ASIC5: variants seen among roughly 807,000 people sequenced by gnomAD.
The protein encoded by ASIC5 is bile acid-sensitive ion channel.
Under a neutral mutation model 51.2 loss-of-function variants are expected in ASIC5, and 52 were observed. The observed-to-expected ratio is 1.02, with a 90% confidence interval of 0.81 to 1.28. The LOEUF (loss-of-function observed/expected upper bound fraction) is 1.28, where lower values mean the gene tolerates loss of function less well. Among genes scored for constraint, ASIC5 ranks in the 50% most tolerant of loss-of-function variants. The pLI, the probability that ASIC5 is intolerant of heterozygous loss-of-function variation, is 0.00. For missense variants in ASIC5, 635 were observed against 595.0 expected (o/e 1.07, Z -0.70); for synonymous variants, 231 against 200.7 (o/e 1.15, Z -1.28).
At position 155,863,446 on chromosome 4, in the gene ASIC5, A is replaced by G; in HGVS notation, c.347+2T>C. ...AATTATTTTTAAAAAAGTAATTTTT[A>G]CCTGTTCAAATTACAAAATGTCACA... is the stretch of plus-strand genomic sequence containing the variant. On this transcript the variant is annotated splice_donor_variant, in intron 2 of 9. Transcript: ENST00000537611. LOFTEE classifies it high-confidence loss of function. 1 of 1,605,544 alleles carries G rather than the reference A, an allele frequency of 6.2e-7. No homozygotes were observed. Among genetic ancestry groups the G allele is most frequent in the Non-Finnish European group, 8.5e-7 (1 of 1,174,368 alleles).
chr4:155,853,201 G>A (rs1741425340), intron 3 of ASIC5, among the ~76,000 whole-genome samples: 1 of 152,000 alleles, frequency 6.6e-6, no homozygotes, highest in Non-Finnish European at 1.5e-5. Context: ...AATAAAAACA[G>A]CATAAGAAAG....
chr4:155,838,718 A>G, intron 7 of ASIC5, 95 bp downstream of exon 7: 1 of 727,688 alleles, frequency 1.4e-6, no homozygotes. Flanking sequence ...TATTCTGTTT[A>G]ATTTCTGGGC....
At chr4:155,855,709 T>C (rs774121303) in intron 2 of ASIC5, among the ~76,000 whole-genome samples, 1 of 148,988 alleles carries the variant, frequency 6.7e-6, no homozygotes, top group Non-Finnish European at 1.5e-5. Context: ...AATATATAAA[T>C]ATATATCTAT....
At chr4:155,846,233 A>G (rs1741240052) in intron 4 of ASIC5, among the ~76,000 whole-genome samples, 1 of 152,110 alleles carries the variant, frequency 6.6e-6, no homozygotes. Context: ...TTGCCAGCAT[A>G]CTTTTTTTGT....
At position 155,842,238 on chromosome 4, in the gene ASIC5, C is replaced by T; in HGVS notation, c.978G>A (p.Lys326=). The T allele has an allele frequency of 6.2e-7, 1 of 1,613,532 alleles. No homozygotes were observed. The highest frequency in any genetic ancestry group is 1.1e-5 in the South Asian group (1 of 91,016). Reference sequence around the variant, plus strand: ...GAAGAAAAGGCACACATCCACATTGCTTTTTTATGTGCTGGGCTTTGCATT... The same window carrying T: ...GAAGAAAAGGCACACATCCACATTGTTTTTTTATGTGCTGGGCTTTGCATT... The part of the protein sequence containing the change: ...LKECKAQHIK[K]QCGCVPFLLP... Residue 326 remains lysine, a synonymous_variant, in exon 6 of 10, where the codon AAG becomes AAA. Transcript: ENST00000537611.
At chr4:155,836,066 A>T (rs1428990688) in intron 8 of ASIC5, among the ~76,000 whole-genome samples, 1 of 152,210 alleles carries the variant, frequency 6.6e-6, no homozygotes, top group East Asian at 1.9e-4. Flanking sequence ...CTGTTAAAAA[A>T]CGAAGAGTTA....
At chr4:155,865,903 G>T (rs1741850394) in intron 1 of ASIC5, among the ~76,000 whole-genome samples, 1 of 152,014 alleles carries the variant, frequency 6.6e-6, no homozygotes, top group African/African-American at 2.4e-5. Context: ...AATAAAACCT[G>T]CAGGCCCAGG....
At position 155,829,976 on chromosome 4, in the gene ASIC5, A is replaced by G; in HGVS notation, c.1398T>C (p.Tyr466=). Residue 466 remains tyrosine (Y), a synonymous_variant, in exon 10 of 10, where the codon TAT becomes TAC. Transcript: ENST00000537611. ...SLITIIEIIE[Y]LFTNFYWICI... ...ATATCCAGTAGAAATTGGTGAATAG[A>G]TATTCAATAATTTCTATGATCGTGA... 1 of 1,601,340 alleles carries G rather than the reference A, an allele frequency of 6.2e-7. No individual in the cohort carries two copies. The highest frequency in any genetic ancestry group is 1.8e-4 in the Middle Eastern group (1 of 5,544).
At chr4:155,856,631 C>A (rs75143996) in intron 2 of ASIC5, among the ~76,000 whole-genome samples, 2,488 of 152,080 alleles carry the variant, frequency 0.016, 59 homozygotes, top group African/African-American at 0.056. Flanking sequence ...ATTTCTTGGT[C>A]AAAAGTATTT....
At chr4:155,856,292 C>T (rs1249098400) in intron 2 of ASIC5, among the ~76,000 whole-genome samples, 2 of 152,094 alleles carry the variant, frequency 1.3e-5, no homozygotes, top group Non-Finnish European at 2.9e-5. Context: ...AGGGGGCCAA[C>T]ACCCATGGCC....
At chr4:155,835,828 ATT>A (rs553945677) in intron 8 of ASIC5, among the ~76,000 whole-genome samples, 1 of 151,762 alleles carries the variant, frequency 6.6e-6, no homozygotes, top group African/African-American at 2.4e-5. Flanking sequence ...TTACATGGGA[ATT>A]TTTTTTTATT....
At chr4:155,863,903 A>G in intron 1 of ASIC5, 149 bp from the exon 2 acceptor site, 1 of 699,392 alleles carries the variant, frequency 1.4e-6, no homozygotes, top group Non-Finnish European at 2.3e-6. Context: ...CTTTTGTTGC[A>G]TGATTTATTC....
intron 6 of ASIC5, 142 bp from the exon 7 acceptor site, chr4:155,839,011 T>C: frequency 1.8e-6 from 1 of 570,298 alleles, no homozygotes; most frequent in Non-Finnish European, 3.1e-6. Context: ...TATTCTTTCA[T>C]AAGCAAAACT....
At chr4:155,845,661 T>C (rs986536139) in intron 4 of ASIC5, among the ~76,000 whole-genome samples, 11 of 152,066 alleles carry the variant, frequency 7.2e-5, no homozygotes, top group Non-Finnish European at 1.5e-4. Flanking sequence ...AGTTAAAATA[T>C]AGGTAGTCCC....
chr4:155,856,220 T>C (rs1403190281), intron 2 of ASIC5, among the ~76,000 whole-genome samples: 3 of 152,242 alleles, frequency 2.0e-5, no homozygotes, highest in East Asian at 3.9e-4. Context: ...TTAAATATCA[T>C]TGTAAGCCTT....
intron 7 of ASIC5, among the ~76,000 whole-genome samples, chr4:155,838,360 T>C (rs567751497): frequency 2.4e-4 from 37 of 152,238 alleles, no homozygotes; most frequent in South Asian, 8.3e-4. Flanking sequence ...AAATATGGCA[T>C]GTACAGTTAT....
In ASIC5 at chr4:155,843,752, G is replaced by T. The variant is rs140518137; in HGVS notation, c.790C>A (p.Pro264Thr). The T allele has an allele frequency of 1.7e-4, 275 of 1,613,548 alleles. No homozygotes were observed. The highest frequency in any genetic ancestry group is 1.2e-4 in the Non-Finnish European group (144 of 1,179,748). The change falls in exon 5 of 10, where the codon CCA becomes ACA. Residue 264 changes from proline to threonine, a missense_variant. Coordinates refer to ENST00000537611, the MANE Select transcript of ASIC5 (RefSeq NM_017419.3). ...AACAAGCCTAACCCATCAAACTGTG[G>T]CACCTTCTTTGGTGAATGGATAACA... ...IFVIHSPKKV[P>T]QFDGLGLLSP...
intron 1 of ASIC5, 122 bp from the exon 2 acceptor site, chr4:155,863,876 A>C: frequency 1.3e-6 from 1 of 788,402 alleles, no homozygotes; most frequent in Non-Finnish European, 2.0e-6. Context: ...TGTAATTCAT[A>C]GAAACTAAAA....
rs547257994 is a variant in ASIC5 at position 155,841,811 on chromosome 4, C to T, written c.1009+396G>A. Among the ~76,000 whole-genome samples, 17 of 152,080 alleles carry T rather than the reference C, an allele frequency of 1.1e-4. No individual in the cohort carries two copies. In the South Asian group the frequency reaches 1.7e-3, roughly 15 times the overall value. ...CAATTTTCTCTTCCAGAAATCTCTGCGATGATTTTATAATGTAAAATTTGT... is the reference window on the plus strand; with the variant it reads ...CAATTTTCTCTTCCAGAAATCTCTGTGATGATTTTATAATGTAAAATTTGT... On this transcript the variant is annotated intron_variant, in intron 6 of 9. Coordinates refer to ENST00000537611, the MANE Select transcript of ASIC5 (RefSeq NM_017419.3).
Sources: gnomAD v4.1 joint callset for allele counts (sites outside exome capture counted in the v4.1 genomes callset) on GRCh38, gnomAD v4.1.1 for gene constraint, MANE v1.5 for transcripts, NCBI Gene and HGNC (gene_info 2026-07-23, HGNC 2026-07-21) for gene names.